CFAP77: variants seen among roughly 807,000 people sequenced by gnomAD.
CFAP77 encodes the protein cilia- and flagella-associated protein 77.
A neutral mutation model predicts 31.1 loss-of-function variants in CFAP77; 25 were observed. That is an observed-to-expected ratio of 0.80 (90% CI 0.59 to 1.12). The LOEUF (loss-of-function observed/expected upper bound fraction) is 1.12, where lower values mean the gene tolerates loss of function less well. Ranked by LOEUF, CFAP77 falls within the 50% of genes most tolerant of loss-of-function variation. CFAP77 has a pLI of 0.00. For synonymous variants in CFAP77, 151 were observed against 159.9 expected, an observed-to-expected ratio of 0.94 and a Z score of 0.42; for missense variants, 377 against 397.3, an observed-to-expected ratio of 0.95 and a Z score of 0.44.
intron 1 of CFAP77, among the ~76,000 whole-genome samples, chr9:132,485,740 ATCCC>A (rs1851529744): frequency 6.6e-6 from 1 of 151,862 alleles, no homozygotes; most frequent in Non-Finnish European, 1.5e-5. Context: ...GGTGAGCTTC[ATCCC>A]TCCGTTCCTT....
At chr9:132,435,290 A>T (rs1850486610) in intron 1 of CFAP77, among the ~76,000 whole-genome samples, 1 of 152,130 alleles carries the variant, frequency 6.6e-6, no homozygotes, top group Non-Finnish European at 1.5e-5. Flanking sequence ...CACTTATTTT[A>T]TTTATTTACT....
rs1851794586 is a variant in CFAP77, at chr9:132,499,056, CTG to C, written c.295+267_295+268del. 6.6e-6 allele frequency among the ~76,000 whole-genome samples: 1 copy of C among 152,166 alleles called. No individual in the cohort carries two copies. Among genetic ancestry groups the C allele is most frequent in the Non-Finnish European group, 1.5e-5 (1 of 68,026 alleles). On this transcript the variant is annotated intron_variant, in intron 2 of 5. Coordinates refer to ENST00000393216, the MANE Select transcript of CFAP77 (RefSeq NM_001282957.2). This position sits in a 1 kb window ranked among gnomAD's most constrained non-coding sequence, Gnocchi z 5.4. The stretch of plus-strand genomic sequence containing the variant: ...CCCCCTTCCCCGCCGCCGGCAGGGA[CTG>C]TGTGCACTATGCTGCTCACGTTACA...
intron 1 of CFAP77, among the ~76,000 whole-genome samples, chr9:132,423,246 T>G (rs557197195): frequency 6.6e-6 from 1 of 152,336 alleles, no homozygotes; most frequent in East Asian, 1.9e-4. Flanking sequence ...AGGCAGCCGC[T>G]TGCTTCTTGG....
At chr9:132,566,959 C>T (rs954831989) in intron 5 of CFAP77, among the ~76,000 whole-genome samples, 1 of 152,190 alleles carries the variant, frequency 6.6e-6, no homozygotes, top group Non-Finnish European at 1.5e-5. Context: ...GGGGGCCCAC[C>T]CGACCTTCTT....
In CFAP77 at chr9:132,423,200, G is replaced by A. The variant is rs78754838; in HGVS notation, c.195+12734G>A. On this transcript the variant is annotated intron_variant, in intron 1 of 5. Transcript: ENST00000393216. Reference sequence around the variant, plus strand: ...AAAACTACTCTTCTAAAAGGAAAGCGCCTGTTGGGCGAACCTGAAAGCTCT... The same window carrying A: ...AAAACTACTCTTCTAAAAGGAAAGCACCTGTTGGGCGAACCTGAAAGCTCT... Among the ~76,000 whole-genome samples the A allele has an allele frequency of 2.6e-3, 394 of 152,314 alleles. 7 individuals are homozygous for A. The highest frequency in any genetic ancestry group is 8.6e-3 in the African/African-American group (357 of 41,578).
At chr9:132,526,528 G>A (rs140914595) in intron 3 of CFAP77, among the ~76,000 whole-genome samples, 130 of 140,450 alleles carry the variant, frequency 9.3e-4, no homozygotes, top group Middle Eastern at 3.5e-3. Context: ...CACAGCGCCC[G>A]ACCGGCAGTT....
At chr9:132,459,022 A>G (rs1375789400) in intron 1 of CFAP77, among the ~76,000 whole-genome samples, 1 of 152,118 alleles carries the variant, frequency 6.6e-6, no homozygotes, top group African/African-American at 2.4e-5. Flanking sequence ...TAGTCTGGGT[A>G]AATTGTGACT....
At chr9:132,482,497 T>A in intron 1 of CFAP77, 1 of 1,053,326 alleles carries the variant, frequency 9.5e-7, no homozygotes, top group Non-Finnish European at 1.5e-6. Flanking sequence ...TCCGCACACC[T>A]ACTGCGTGCT....
chr9:132,501,838 C>T lies in CFAP77; in HGVS notation c.524+2238C>T, dbSNP rs1001720764. Among the ~76,000 whole-genome samples the T allele has an allele frequency of 2.1e-4, 32 of 152,212 alleles. No homozygotes were observed. Among genetic ancestry groups the T allele is most frequent in the Non-Finnish European group, 3.2e-4 (22 of 68,042 alleles). On this transcript the variant is annotated intron_variant, in intron 3 of 5. Coordinates refer to ENST00000393216, the MANE Select transcript of CFAP77 (RefSeq NM_001282957.2). This position sits in a 1 kb window ranked among gnomAD's most constrained non-coding sequence, Gnocchi z 4.6. ...GGCCTGGTCTGATGATGCGCCCTTC[C>T]CTGGAGTCAGGGGTGAAATCAGTCC...
intron 4 of CFAP77, among the ~76,000 whole-genome samples, chr9:132,538,306 G>C (rs1180201305): frequency 6.6e-6 from 1 of 152,228 alleles, no homozygotes; most frequent in Admixed American, 6.5e-5. Flanking sequence ...CCCAGGCGTG[G>C]AAGTCGAGGC....
At chr9:132,505,073 G>A (rs1474588192) in intron 3 of CFAP77, among the ~76,000 whole-genome samples, 2 of 152,164 alleles carry the variant, frequency 1.3e-5, no homozygotes, top group Non-Finnish European at 2.9e-5. Context: ...AATTACAGAC[G>A]TGTTAAAAAA....
At chr9:132,522,400 C>T (rs1852285219) in intron 3 of CFAP77, among the ~76,000 whole-genome samples, 3 of 152,198 alleles carry the variant, frequency 2.0e-5, no homozygotes, top group Non-Finnish European at 4.4e-5. Context: ...CTTCCCATTC[C>T]TACCTTTTCC....
intron 5 of CFAP77, among the ~76,000 whole-genome samples, chr9:132,549,743 G>A (rs1852795140): frequency 6.6e-6 from 1 of 152,156 alleles, no homozygotes; most frequent in Non-Finnish European, 1.5e-5. Flanking sequence ...TGGGGCTGAG[G>A]CAGAAGAATC....
At chr9:132,522,057 C>G (rs529480912) in intron 3 of CFAP77, among the ~76,000 whole-genome samples, 28 of 152,156 alleles carry the variant, frequency 1.8e-4, no homozygotes, top group Non-Finnish European at 1.0e-4. Context: ...CCACTACACC[C>G]GGCCCCAGAC....
chr9:132,412,343 C>G (rs2131671430), intron 1 of CFAP77, among the ~76,000 whole-genome samples: 1 of 152,334 alleles, frequency 6.6e-6, no homozygotes, highest in South Asian at 2.1e-4. Flanking sequence ...AGGGGGCAGC[C>G]TTTACCTCTG....
Position 132,480,854 on chromosome 9 carries a change from G to C in CFAP77, c.196-17841G>C, listed in dbSNP as rs975857799. Among the ~76,000 whole-genome samples, 1 of 152,126 alleles carries C rather than the reference G, an allele frequency of 6.6e-6. No individual in the cohort carries two copies. ...AGAAGGCCCAGGGCAGAAAGCGGAC[G>C]GTGAGCGAGAGGGCATAAGATGAGG... On this transcript the variant is annotated intron_variant, in intron 1 of 5. Transcript: ENST00000393216. This position sits in a 1 kb window ranked among gnomAD's most constrained non-coding sequence, Gnocchi z 5.8.
chr9:132,551,657 T>A lies in CFAP77; in HGVS notation c.732+8610T>A, dbSNP rs114985933. Among the ~76,000 whole-genome samples the A allele has an allele frequency of 4.2e-3, 640 of 152,252 alleles. 5 individuals carry two copies. Among genetic ancestry groups the A allele is most frequent in the African/African-American group, 0.014 (591 of 41,570 alleles). ...GTCAATAACTCTCAATAACCCCACA[T>A]GGTAGAGATGAGCTGCCCTGTCTCT... On this transcript the variant is annotated intron_variant, in intron 5 of 5. Transcript: ENST00000393216.
At chr9:132,536,389 T>TTC (rs1221120586) in intron 3 of CFAP77, among the ~76,000 whole-genome samples, 1 of 138,430 alleles carries the variant, frequency 7.2e-6, no homozygotes, top group Non-Finnish European at 1.7e-5. Context: ...TGGCTCATAG[T>TTC]TCTTTTTTTT....
chr9:132,512,849 A>G (rs1459887492), intron 3 of CFAP77, among the ~76,000 whole-genome samples: 1 of 152,218 alleles, frequency 6.6e-6, no homozygotes, highest in Non-Finnish European at 1.5e-5. Context: ...TGGGAGGCTG[A>G]GGCAGGAGAA....
Sources: allele counts gnomAD v4.1 joint callset (sites outside exome capture counted in the v4.1 genomes callset), GRCh38; gene constraint gnomAD v4.1.1; non-coding constraint Gnocchi (gnomAD v3.1); transcripts MANE v1.5; gene names NCBI Gene and HGNC (gene_info 2026-07-23, HGNC 2026-07-21).